The following KPNA6 variants were observed in gnomAD, a reference collection of about 807,000 sequenced individuals.
KPNA6 encodes the protein importin subunit alpha-7.
A neutral mutation model predicts 72.0 loss-of-function variants in KPNA6; 9 were observed. The observed-to-expected ratio is 0.13, with a 90% CI of 0.08 to 0.22. KPNA6 has a LOEUF of 0.22. Ranked by LOEUF, KPNA6 falls within the 10% of genes least tolerant of loss-of-function variation. The pLI, the probability that KPNA6 is intolerant of heterozygous loss-of-function variation, is 1.00. For synonymous variants in KPNA6, 219 were observed against 242.1 expected (o/e 0.90, Z 0.89); for missense variants, 374 against 655.7 (o/e 0.57, Z 4.69).
intron 1 of KPNA6, among the ~76,000 whole-genome samples, chr1:32,114,292 T>C (rs1383843677): frequency 6.6e-6 from 1 of 151,812 alleles, no homozygotes; most frequent in African/African-American, 2.4e-5. Flanking sequence ...ATACAAAAAA[T>C]TAGCCTGGTG....
intron 1 of KPNA6, among the ~76,000 whole-genome samples, chr1:32,119,853 T>A (rs1641401511): frequency 6.6e-6 from 1 of 151,218 alleles, no homozygotes; most frequent in Non-Finnish European, 1.5e-5. Context: ...CAAGCAATTC[T>A]CCTGCCTCAG....
intron 1 of KPNA6, among the ~76,000 whole-genome samples, chr1:32,154,089 G>A (rs1346107545): frequency 6.6e-6 from 1 of 152,054 alleles, no homozygotes; most frequent in African/African-American, 2.4e-5. Flanking sequence ...AGAGGTTGCA[G>A]TGAGTCGATA....
intron 4 of KPNA6, 104 bp from the exon 5 acceptor site, chr1:32,158,163 G>C (rs1333540641): frequency 2.9e-6 from 2 of 697,314 alleles, no homozygotes; most frequent in African/African-American, 3.6e-5. Flanking sequence ...GGGAATGTTT[G>C]TAAGGGTGGT....
intron 12 of KPNA6, 132 bp from the exon 13 acceptor site, chr1:32,169,750 G>A (rs1004375276): frequency 7.8e-5 from 59 of 757,384 alleles, no homozygotes; most frequent in Middle Eastern, 3.9e-4. Context: ...GTGAACCACC[G>A]CGCTCGGCCT....
At chr1:32,130,766 G>GAA (rs796117235) in intron 1 of KPNA6, among the ~76,000 whole-genome samples, 1 of 139,622 alleles carries the variant, frequency 7.2e-6, no homozygotes, top group African/African-American at 2.6e-5. Context: ...CTATCTCAAA[G>GAA]AAAAAAAAAA....
intron 2 of KPNA6, 111 bp from the exon 3 acceptor site, chr1:32,156,742 T>G: frequency 1.3e-6 from 1 of 769,896 alleles, no homozygotes; most frequent in Non-Finnish European, 2.1e-6. Context: ...TGGCCTCACT[T>G]CTCAGCTACT....
At chr1:32,157,915 A>G (rs1003822288) in intron 4 of KPNA6, among the ~76,000 whole-genome samples, 1 of 152,168 alleles carries the variant, frequency 6.6e-6, no homozygotes, top group Admixed American at 6.5e-5. Context: ...TTGTTTCAGT[A>G]TATCAAATAG....
At position 32,157,435 on chromosome 1, in the gene KPNA6, G is replaced by T; in HGVS notation, c.321G>T (p.Leu107=). The T allele has an allele frequency of 6.2e-7, 1 of 1,612,652 alleles. No individual in the cohort carries two copies. The highest frequency in any genetic ancestry group is 8.5e-7 in the Non-Finnish European group (1 of 1,178,708). The part of the protein sequence containing the change: ...QLATTQKFRK[L]LSKEPSPPID... ...CAACCACACAGAAATTCCGGAAACT[G>T]CTCTCCAAAGGTACAAAGCCTGGCC... Residue 107 remains leucine (L), a synonymous_variant, in exon 4 of 14, where the codon CTG becomes CTT. Transcript: ENST00000373625.
At chr1:32,140,632 G>A (rs145867777) in intron 1 of KPNA6, among the ~76,000 whole-genome samples, 1 of 152,248 alleles carries the variant, frequency 6.6e-6, no homozygotes, top group Non-Finnish European at 1.5e-5. Flanking sequence ...AGAAAAAATA[G>A]TTCGGCTATT....
chr1:32,129,613 T>TA (rs1206397340), intron 1 of KPNA6, among the ~76,000 whole-genome samples: 2 of 152,156 alleles, frequency 1.3e-5, no homozygotes, highest in Non-Finnish European at 2.9e-5. Context: ...TGGAGTGCAG[T>TA]AGCGCCATCA....
At chr1:32,108,530 G>C (rs748539930) in intron 1 of KPNA6, among the ~76,000 whole-genome samples, 2 of 152,236 alleles carry the variant, frequency 1.3e-5, no homozygotes, top group Non-Finnish European at 2.9e-5. Context: ...GCCAACGCGT[G>C]TCTTGACTAG....
chr1:32,109,645 A>G (rs1235143793), intron 1 of KPNA6, among the ~76,000 whole-genome samples: 1 of 138,724 alleles, frequency 7.2e-6, no homozygotes, highest in Non-Finnish European at 1.5e-5. Context: ...CCATTATGAA[A>G]TCTTTTTTTT....
intron 1 of KPNA6, among the ~76,000 whole-genome samples, chr1:32,133,990 C>T (rs1272434994): frequency 6.6e-6 from 1 of 151,984 alleles, no homozygotes; most frequent in Non-Finnish European, 1.5e-5. Flanking sequence ...TGCCTGTAAT[C>T]CCGGCACTTT....
intron 10 of KPNA6, among the ~76,000 whole-genome samples, chr1:32,165,021 C>T (rs779721956): frequency 3.3e-5 from 5 of 152,124 alleles, no homozygotes; most frequent in Non-Finnish European, 7.4e-5. Flanking sequence ...ACCTCAGCCT[C>T]CCAAGTAGCT....
chr1:32,129,701 G>A (rs1641603414), intron 1 of KPNA6, among the ~76,000 whole-genome samples: 1 of 152,014 alleles, frequency 6.6e-6, no homozygotes, highest in African/African-American at 2.4e-5. Flanking sequence ...GACTACAAGT[G>A]TGCACCACCA....
Position 32,160,495 on chromosome 1 carries a change from T to C in KPNA6, c.559-120T>C, listed in dbSNP as rs1316251329. On this transcript the variant is annotated intron_variant, in intron 6 of 13. Transcript: ENST00000373625. ...AGGGAGGTTACCTGAGCTTGTGTAG[T>C]ATATTTGGGGCCTTGACATCATTCT... The C allele has an allele frequency of 1.9e-5, 14 of 724,890 alleles. No homozygotes were observed. In the Admixed American group the frequency reaches 2.0e-4, roughly 11 times the overall value. 44.9% of individuals were successfully genotyped at this position (724,890 alleles called of 1,614,324 possible).
In KPNA6 at chr1:32,154,575, T is replaced by A; in HGVS notation, c.5-13T>A. ...TCTCAAGAGTTTTTGGCAGTGTGTA[T>A]CTTTTCTTCTAGAGACCATGGCGAG... On this transcript the variant is annotated splice_polypyrimidine_tract_variant and intron_variant, in intron 1 of 13. Coordinates refer to ENST00000373625, the MANE Select transcript of KPNA6 (RefSeq NM_012316.5). The A allele has an allele frequency of 6.2e-7, 1 of 1,611,666 alleles. No individual in the cohort carries two copies. Among genetic ancestry groups the A allele is most frequent in the Non-Finnish European group, 8.5e-7 (1 of 1,178,870 alleles).
intron 2 of KPNA6, 103 bp downstream of exon 2, chr1:32,154,824 C>T: frequency 1.6e-6 from 2 of 1,261,150 alleles, no homozygotes; most frequent in Non-Finnish European, 2.2e-6. Context: ...AAGTAGCTTA[C>T]TAGGTGGGCA....
chr1:32,121,884 A>T (rs550771692), intron 1 of KPNA6, among the ~76,000 whole-genome samples: 1 of 152,124 alleles, frequency 6.6e-6, no homozygotes, highest in East Asian at 1.9e-4. Flanking sequence ...GAGGCAGGAG[A>T]ATCACTTGAA....
Sources: gnomAD v4.1 joint callset for allele counts (sites outside exome capture counted in the v4.1 genomes callset) on GRCh38, gnomAD v4.1.1 for gene constraint, MANE v1.5 for transcripts, NCBI Gene and HGNC (gene_info 2026-07-23, HGNC 2026-07-21) for gene names.